HAPLN1: variants seen among roughly 807,000 people sequenced by gnomAD.
HAPLN1 encodes the protein hyaluronan and proteoglycan link protein 1.
HAPLN1 carries 13 observed loss-of-function variants against 36.5 expected under a neutral mutation model. The observed-to-expected ratio is 0.36, with a 90% CI of 0.23 to 0.57. The LOEUF is 0.57. HAPLN1 is among the 20% of genes least tolerant of loss of function. The pLI is 0.83. For synonymous variants in HAPLN1, 202 were observed against 169.8 expected, an observed-to-expected ratio of 1.19 and a Z score of -1.48; for missense variants, 407 against 439.7, an observed-to-expected ratio of 0.93 and a Z score of 0.66.
chr5:83,662,190 A>G (rs1750421839), intron 2 of HAPLN1, among the ~76,000 whole-genome samples: 1 of 152,184 alleles, frequency 6.6e-6, no homozygotes, highest in African/African-American at 2.4e-5. Flanking sequence ...GGCGTGAACC[A>G]CCATGCCCAG....
intron 2 of HAPLN1, among the ~76,000 whole-genome samples, chr5:83,663,923 T>G (rs979989489): frequency 6.6e-6 from 1 of 151,290 alleles, no homozygotes; most frequent in Non-Finnish European, 1.5e-5. Context: ...TAGCCTCACC[T>G]TTACTCTTGG....
In HAPLN1 at chr5:83,641,622, G is replaced by A. The variant is rs749934033; in HGVS notation, c.939C>T (p.Ser313=). 6.2e-7 allele frequency: 1 copy of A among 1,614,144 alleles called. No individual in the cohort carries two copies. The highest frequency in any genetic ancestry group is 2.2e-5 in the East Asian group (1 of 44,872). The part of the protein sequence containing the change: ...RCDAGWLADG[S]VRYPISRPRR... ...TTGGCCTAGAGATGGGGTAGCGGAC[G>A]CTGCCATCCGCCAACCAGCCCGCAT... is the stretch of plus-strand genomic sequence containing the variant. Residue 313 remains serine (S), a synonymous_variant, in exon 5 of 5, where the codon AGC becomes AGT. Coordinates refer to ENST00000274341, the MANE Select transcript of HAPLN1 (RefSeq NM_001884.4).
At chr5:83,713,690 C>G (rs1751845694) in intron 1 of HAPLN1, among the ~76,000 whole-genome samples, 1 of 152,166 alleles carries the variant, frequency 6.6e-6, no homozygotes, top group Non-Finnish European at 1.5e-5. Context: ...CATTTTCTCC[C>G]AGAAACTTCT....
intron 1 of HAPLN1, chr5:83,675,221 C>T (rs1169400758): frequency 6.6e-6 from 1 of 151,984 alleles, no homozygotes; most frequent in African/African-American, 2.4e-5. Context: ...TAAAGGTGGC[C>T]TTTTGGAATT....
intron 2 of HAPLN1, among the ~76,000 whole-genome samples, chr5:83,663,108 T>C (rs1750452648): frequency 6.6e-6 from 1 of 152,058 alleles, no homozygotes; most frequent in Non-Finnish European, 1.5e-5. Context: ...ATGAGGATGA[T>C]AAAGAGTGGA....
intron 1 of HAPLN1, among the ~76,000 whole-genome samples, chr5:83,693,528 A>G (rs1198182674): frequency 1.3e-5 from 2 of 151,862 alleles, no homozygotes; most frequent in Admixed American, 1.3e-4. Context: ...ATAAACCTCC[A>G]TTGAAAGGCA....
At chr5:83,660,377 T>C (rs1750351580) in intron 2 of HAPLN1, among the ~76,000 whole-genome samples, 1 of 152,128 alleles carries the variant, frequency 6.6e-6, no homozygotes, top group African/African-American at 2.4e-5. Flanking sequence ...TGGCAATGTT[T>C]AAAAAAAGTT....
At chr5:83,715,981 G>A (rs1351963934) in intron 1 of HAPLN1, among the ~76,000 whole-genome samples, 2 of 152,052 alleles carry the variant, frequency 1.3e-5, no homozygotes, top group East Asian at 3.8e-4. Context: ...TAAAATGAGG[G>A]GGATCACATG....
intron 2 of HAPLN1, among the ~76,000 whole-genome samples, chr5:83,672,773 G>T (rs570135598): frequency 3.5e-4 from 54 of 152,188 alleles, no homozygotes; most frequent in Non-Finnish European, 5.7e-4. Flanking sequence ...GGAAAGAACT[G>T]TTCCTCTTAT....
chr5:83,640,738 C>T lies in HAPLN1; in HGVS notation c.*758G>A, dbSNP rs896827723. ...ATTTAAATACAACTCGGTAAAGCTA[C>T]TCAAAAGATAAAACAATTCCTCTTA... On this transcript the variant is annotated 3_prime_UTR_variant, in exon 5 of 5. Coordinates refer to ENST00000274341, the MANE Select transcript of HAPLN1 (RefSeq NM_001884.4). 3 of 151,984 alleles carry T rather than the reference C, an allele frequency of 2.0e-5. No individual in the cohort carries two copies. Among genetic ancestry groups the T allele is most frequent in the Non-Finnish European group, 4.4e-5 (3 of 67,970 alleles). 9.4% of individuals were successfully genotyped at this position (151,984 alleles called of 1,614,324 possible).
intron 2 of HAPLN1, among the ~76,000 whole-genome samples, chr5:83,665,046 A>G (rs1218620159): frequency 1.3e-5 from 2 of 152,112 alleles, no homozygotes; most frequent in African/African-American, 4.8e-5. Context: ...TGGAGATTTA[A>G]AACCTGACAG....
chr5:83,695,787 G>A (rs1751379660), intron 1 of HAPLN1, among the ~76,000 whole-genome samples: 1 of 151,420 alleles, frequency 6.6e-6, no homozygotes, highest in African/African-American at 2.4e-5. Flanking sequence ...CTGATAAAGG[G>A]CATCTATGTT....
chr5:83,703,847 T>A (rs1210715781), intron 1 of HAPLN1, among the ~76,000 whole-genome samples: 1 of 151,914 alleles, frequency 6.6e-6, no homozygotes, highest in Non-Finnish European at 1.5e-5. Context: ...CTCTGGCAAG[T>A]TTTGGGAAAG....
chr5:83,639,380 G>T lies in HAPLN1; in HGVS notation c.*2116C>A, dbSNP rs1426356476. On this transcript the variant is annotated 3_prime_UTR_variant, in exon 5 of 5. Transcript: ENST00000274341. ...TTGATCAGCACCAATTCCTATAGTA[G>T]TAAGTATTTAAAAGTTAAGAAATAC... is the stretch of plus-strand genomic sequence containing the variant. The T allele has an allele frequency of 6.6e-6, 1 of 152,012 alleles. No homozygotes were observed. Among genetic ancestry groups the T allele is most frequent in the South Asian group, 2.1e-4 (1 of 4,824 alleles). The allele number at this position is 152,012 out of a possible 1,614,324, so 9.4% of individuals were successfully genotyped here.
intron 4 of HAPLN1, among the ~76,000 whole-genome samples, chr5:83,642,071 A>T (rs1234678127): frequency 6.6e-6 from 1 of 152,220 alleles, no homozygotes; most frequent in Non-Finnish European, 1.5e-5. Flanking sequence ...TTAGTGACTA[A>T]AAGAGCCCTT....
chr5:83,650,034 A>G (rs561381065), intron 3 of HAPLN1, among the ~76,000 whole-genome samples: 3 of 152,256 alleles, frequency 2.0e-5, no homozygotes, highest in Non-Finnish European at 4.4e-5. Flanking sequence ...TACCACGAGC[A>G]CAGGACAGGT....
At chr5:83,708,921 G>A (rs1367337759) in intron 1 of HAPLN1, among the ~76,000 whole-genome samples, 1 of 152,022 alleles carries the variant, frequency 6.6e-6, no homozygotes, top group East Asian at 1.9e-4. Context: ...CTGTCACCCA[G>A]GCTGGAGTGC....
At chr5:83,712,001 T>C (rs952119422) in intron 1 of HAPLN1, among the ~76,000 whole-genome samples, 2 of 152,220 alleles carry the variant, frequency 1.3e-5, no homozygotes, top group East Asian at 1.9e-4. Context: ...AAGAATGATA[T>C]ACTAATTTGC....
chr5:83,656,000 C>T (rs1750199953), intron 2 of HAPLN1, among the ~76,000 whole-genome samples: 1 of 152,122 alleles, frequency 6.6e-6, no homozygotes, highest in African/African-American at 2.4e-5. Flanking sequence ...ATTTAAACTC[C>T]TGGATCAGTT....
Sources: allele counts gnomAD v4.1 joint callset (sites outside exome capture counted in the v4.1 genomes callset), GRCh38; gene constraint gnomAD v4.1.1; transcripts MANE v1.5; gene names NCBI Gene and HGNC (gene_info 2026-07-23, HGNC 2026-07-21).